FAM135A: variants seen among roughly 807,000 people sequenced by gnomAD.
The protein encoded by FAM135A is protein FAM135A.
Under a neutral mutation model 146.8 loss-of-function variants are expected in FAM135A, and 79 were observed. The observed-to-expected ratio is 0.54, with a 90% CI of 0.45 to 0.65. FAM135A has a LOEUF of 0.65. Among genes scored for constraint, FAM135A ranks in the 30% least tolerant of loss-of-function variants. The pLI, the probability that FAM135A is intolerant of heterozygous loss-of-function variation, is 0.00. For synonymous variants in FAM135A, 562 were observed against 603.6 expected, an observed-to-expected ratio of 0.93 and a Z score of 1.01; for missense variants, 1,623 against 1,758.2, an observed-to-expected ratio of 0.92 and a Z score of 1.38.
intron 2 of FAM135A, among the ~76,000 whole-genome samples, chr6:70,421,535 G>C (rs1396830130): frequency 1.3e-5 from 2 of 152,166 alleles, no homozygotes; most frequent in African/African-American, 4.8e-5. Flanking sequence ...ACCCTATCAG[G>C]TTTGACTGGC....
intron 5 of FAM135A, among the ~76,000 whole-genome samples, chr6:70,475,088 A>G (rs1196592883): frequency 6.6e-6 from 1 of 152,192 alleles, no homozygotes; most frequent in Non-Finnish European, 1.5e-5. Flanking sequence ...ATTCTTTACT[A>G]TTCAGCTATG....
rs75176089 is a variant in FAM135A at position 70,539,640 on chromosome 6, A to T, written c.4228+1239A>T. 6.9e-3 allele frequency among the ~76,000 whole-genome samples: 1,054 copies of T among 152,248 alleles called. 10 individuals carry two copies. The highest frequency in any genetic ancestry group is 0.024 in the African/African-American group (1,015 of 41,550). ...CTTTATTTGAGGCTTGTATCATCCAAGCTGTGCTACCATCTATTATTCTTT... is the reference window on the plus strand; with the variant it reads ...CTTTATTTGAGGCTTGTATCATCCATGCTGTGCTACCATCTATTATTCTTT... On this transcript the variant is annotated intron_variant, in intron 20 of 21. Transcript: ENST00000418814.
chr6:70,445,414 A>G (rs1338875516), intron 4 of FAM135A, among the ~76,000 whole-genome samples: 2 of 152,192 alleles, frequency 1.3e-5, no homozygotes. Flanking sequence ...AAAGACACAC[A>G]CACAAAAATG....
intron 12 of FAM135A, among the ~76,000 whole-genome samples, chr6:70,518,571 A>G (rs1792827682): frequency 6.6e-6 from 1 of 152,180 alleles, no homozygotes; most frequent in Admixed American, 6.5e-5. Context: ...AAATCAGTAC[A>G]TGACTTTAAA....
intron 20 of FAM135A, among the ~76,000 whole-genome samples, chr6:70,554,533 T>C (rs1271400654): frequency 1.2e-4 from 19 of 152,192 alleles, no homozygotes; most frequent in Admixed American, 1.2e-3. Context: ...AGAAAACTCA[T>C]GAAGAATTTT....
At chr6:70,486,054 A>T in intron 10 of FAM135A, 1 of 666,262 alleles carries the variant, frequency 1.5e-6, no homozygotes, top group Non-Finnish European at 2.5e-6. Flanking sequence ...CTAATTAACT[A>T]ACTGCACTAT....
chr6:70,462,626 T>TA lies in FAM135A; in HGVS notation c.157+10068dup, dbSNP rs879867649. On this transcript the variant is annotated intron_variant, in intron 5 of 21. Transcript: ENST00000418814. ...TTACAAGAAATCAGCCCAGGTTGGT[T>TA]AAAAAAAAAAAAATGCAGCTATTGG... Among the ~76,000 whole-genome samples, 1,226 of 145,702 alleles carry TA rather than the reference T, an allele frequency of 8.4e-3. 9 individuals are homozygous for TA. The highest frequency in any genetic ancestry group is 0.019 in the African/African-American group (767 of 39,956).
intron 15 of FAM135A, among the ~76,000 whole-genome samples, chr6:70,527,732 G>A (rs1561983079): frequency 6.6e-6 from 1 of 152,152 alleles, no homozygotes; most frequent in Non-Finnish European, 1.5e-5. Flanking sequence ...TTGCAAACGA[G>A]TATATACCAC....
intron 20 of FAM135A, among the ~76,000 whole-genome samples, chr6:70,540,257 T>C (rs77554252): frequency 0.13 from 18,900 of 151,110 alleles, 1,450 homozygotes; most frequent in Middle Eastern, 0.19. Context: ...TGATGTCTTA[T>C]CCTTCTTTTT....
chr6:70,513,091 T>C (rs886709405), intron 12 of FAM135A, among the ~76,000 whole-genome samples: 12 of 151,968 alleles, frequency 7.9e-5, no homozygotes, highest in African/African-American at 2.9e-4. Flanking sequence ...CTAATAAGCA[T>C]GAGTCTATTT....
chr6:70,489,649 AC>A (rs1213017594), intron 10 of FAM135A, among the ~76,000 whole-genome samples: 16 of 152,214 alleles, frequency 1.1e-4, no homozygotes, highest in Non-Finnish European at 1.9e-4. Flanking sequence ...GTGCTGGGGA[AC>A]TCTATGAAGA....
chr6:70,438,774 G>A (rs79306366), intron 4 of FAM135A, among the ~76,000 whole-genome samples: 3,239 of 152,242 alleles, frequency 0.021, 109 homozygotes, highest in African/African-American at 0.074. Flanking sequence ...TATCTGTGAC[G>A]TTGTGAAGAA....
chr6:70,441,425 G>A (rs1774447895), intron 4 of FAM135A, among the ~76,000 whole-genome samples: 1 of 152,030 alleles, frequency 6.6e-6, no homozygotes, highest in African/African-American at 2.4e-5. Flanking sequence ...TATCCTTTCT[G>A]ATGCTTAGAG....
chr6:70,537,721 AAATTTTGCTT>A (rs1797039716), intron 19 of FAM135A, among the ~76,000 whole-genome samples: 2 of 152,180 alleles, frequency 1.3e-5, no homozygotes, highest in Admixed American at 1.3e-4. Flanking sequence ...TGAGTGATTG[AAATTTTGCTT>A]AATTTCCTGA....
At chr6:70,421,584 A>G (rs901247301) in intron 2 of FAM135A, among the ~76,000 whole-genome samples, 3 of 152,186 alleles carry the variant, frequency 2.0e-5, no homozygotes, top group Admixed American at 6.5e-5. Flanking sequence ...AGGGCTTTTC[A>G]CGTAAGTTTC....
At chr6:70,440,285 G>A in intron 4 of FAM135A, among the ~76,000 whole-genome samples, 1 of 152,136 alleles carries the variant, frequency 6.6e-6, no homozygotes, top group East Asian at 1.9e-4. Context: ...ATTGATTCAG[G>A]TGTTATATCA....
Position 70,549,153 on chromosome 6 carries a change from A to G in FAM135A, c.4229-7597A>G, listed in dbSNP as rs1026962433. Among the ~76,000 whole-genome samples the G allele has an allele frequency of 5.3e-5, 8 of 152,210 alleles. No individual in the cohort carries two copies. In the East Asian group the frequency reaches 1.3e-3, roughly 26 times the overall value. Reference sequence around the variant, plus strand: ...CAATTCCACTTTTGGAATTTTTCCTACAGAAATCTCACACAATGAGGTAAA... The same window carrying G: ...CAATTCCACTTTTGGAATTTTTCCTGCAGAAATCTCACACAATGAGGTAAA... On this transcript the variant is annotated intron_variant, in intron 20 of 21. Transcript: ENST00000418814.
intron 16 of FAM135A, among the ~76,000 whole-genome samples, chr6:70,529,903 A>T (rs371207442): frequency 6.6e-6 from 1 of 152,102 alleles, no homozygotes; most frequent in Non-Finnish European, 1.5e-5. Flanking sequence ...TCTACTAAAA[A>T]TACAAAAAAA....
chr6:70,425,528 A>G (rs1251471515), intron 2 of FAM135A, among the ~76,000 whole-genome samples: 2 of 152,196 alleles, frequency 1.3e-5, no homozygotes, highest in Non-Finnish European at 2.9e-5. Context: ...TATAATGGAG[A>G]GAAGAAAAAC....
Sources: allele counts gnomAD v4.1 joint callset (sites outside exome capture counted in the v4.1 genomes callset), GRCh38; gene constraint gnomAD v4.1.1; transcripts MANE v1.5; gene names NCBI Gene and HGNC (gene_info 2026-07-23, HGNC 2026-07-21).